The following GYPB variants were observed in gnomAD, a reference collection of about 807,000 sequenced individuals.
GYPB encodes glycophorin B (MNS blood group), also known as glycophorin-B.
In GYPB, 13 loss-of-function variants were observed where a neutral mutation model predicts 15.3. The observed-to-expected ratio is 0.85, with a 90% CI of 0.55 to 1.35. The LOEUF (loss-of-function observed/expected upper bound fraction) is 1.35. Ranked by LOEUF, GYPB falls within the 40% of genes most tolerant of loss-of-function variation. GYPB has a pLI of 0.00. For missense variants in GYPB, 131 were observed against 108.3 expected (o/e 1.21, Z -0.93); for synonymous variants, 38 against 36.9 (o/e 1.03, Z -0.11).
At chr4:144,017,430 C>T (rs1436123039) in intron 1 of GYPB, among the ~76,000 whole-genome samples, 1 of 150,882 alleles carries the variant, frequency 6.6e-6, no homozygotes, top group Non-Finnish European at 1.5e-5. Context: ...GATCTTCCAC[C>T]TTTCTGTTAT....
chr4:144,000,257 C>G (rs1402708402), intron 2 of GYPB: 2 of 219,536 alleles, frequency 9.1e-6, no homozygotes, highest in African/African-American at 2.4e-5. Context: ...GCTATATGGG[C>G]TTTGGAGTAA....
chr4:144,016,748 A>C (rs1485614485), intron 1 of GYPB: 6 of 383,504 alleles, frequency 1.6e-5, no homozygotes, highest in Non-Finnish European at 2.5e-5. Context: ...TCTTAGCTTC[A>C]GAATCTGATT....
chr4:143,997,726 T>G (rs1202573199), intron 3 of GYPB, 92 bp from the exon 4 acceptor site: 8 of 737,160 alleles, frequency 1.1e-5, no homozygotes, highest in Admixed American at 1.9e-5. Context: ...AACATCACCT[T>G]GCCTTTTAAT....
At position 143,999,452 on chromosome 4, in the gene GYPB, A is replaced by T. The variant is rs746530061; in HGVS notation, c.137-3T>A. The stretch of plus-strand genomic sequence containing the variant: ...ATGGACAAGTTGTCCCGTTTCTCCT[A>T]TAAAGCAAAATTTCAATGTAAGTCC... On this transcript the variant is annotated splice_polypyrimidine_tract_variant and splice_region_variant and intron_variant, in intron 2 of 4. Coordinates refer to ENST00000502664, the MANE Select transcript of GYPB (RefSeq NM_002100.6). 2 of 1,471,138 alleles carry T rather than the reference A, an allele frequency of 1.4e-6. No individual in the cohort carries two copies. Among genetic ancestry groups the T allele is most frequent in the Non-Finnish European group, 1.9e-6 (2 of 1,056,176 alleles). The allele number at this position is 1,471,138 out of a possible 1,614,324, so 91.1% of individuals were successfully genotyped here.
intron 3 of GYPB, 200 bp downstream of exon 3, chr4:143,999,211 C>T (rs1243837670): frequency 2.1e-6 from 1 of 469,802 alleles, no homozygotes; most frequent in African/African-American, 2.1e-5. Flanking sequence ...CCCTGGCCCC[C>T]AAAATGTTTT....
intron 1 of GYPB, among the ~76,000 whole-genome samples, chr4:144,018,367 G>A (rs1439149202): frequency 5.4e-5 from 8 of 149,144 alleles, no homozygotes; most frequent in African/African-American, 2.1e-4. Context: ...CTTAGAAAAT[G>A]CTGATCTCTC....
intron 1 of GYPB, 126 bp from the exon 2 acceptor site, chr4:144,001,409 T>A (rs1193368936): frequency 6.7e-6 from 10 of 1,496,968 alleles, no homozygotes; most frequent in Non-Finnish European, 9.2e-6. Flanking sequence ...TTAGTATATA[T>A]CTTACATAAT....
In GYPB at chr4:143,996,281, A is replaced by G. The variant is rs1187301975; in HGVS notation, c.*18T>C. The G allele has an allele frequency of 6.4e-7, 1 of 1,550,826 alleles. No individual in the cohort carries two copies. Among genetic ancestry groups the G allele is most frequent in the Non-Finnish European group, 8.7e-7 (1 of 1,147,224 alleles). ...CAGCCGGTTCTAGGCAAGATCAGGC[A>G]GCATGCAGGCCACATCCTCATGCCT... is the stretch of plus-strand genomic sequence containing the variant. On this transcript the variant is annotated 3_prime_UTR_variant, in exon 5 of 5. Transcript: ENST00000502664.
At chr4:144,003,313 G>C (rs956668330) in intron 1 of GYPB, among the ~76,000 whole-genome samples, 2 of 150,608 alleles carry the variant, frequency 1.3e-5, no homozygotes, top group South Asian at 2.1e-4. Flanking sequence ...AAAAACATGC[G>C]GGAGCTTTGC....
intron 1 of GYPB, among the ~76,000 whole-genome samples, chr4:144,008,863 C>T (rs1236309615): frequency 2.0e-5 from 3 of 151,402 alleles, no homozygotes; most frequent in East Asian, 3.8e-4. Context: ...TTCTGATGTG[C>T]GGCCAGCAGT....
At chr4:144,013,936 G>A (rs951905628) in intron 1 of GYPB, among the ~76,000 whole-genome samples, 3 of 151,196 alleles carry the variant, frequency 2.0e-5, no homozygotes, top group Admixed American at 6.6e-5. Context: ...AATAATGGGT[G>A]AAGGACTAGA....
chr4:144,008,578 A>C lies in GYPB; in HGVS notation c.38-7295T>G, dbSNP rs1200399214. On this transcript the variant is annotated intron_variant, in intron 1 of 4. Coordinates refer to ENST00000502664, the MANE Select transcript of GYPB (RefSeq NM_002100.6). ...CACTCCTGCCTACTAAAGAATCCTC[A>C]GAACAAAAGGGGATTTCACATATTT... The C allele has an allele frequency of 9.0e-6, 4 of 444,384 alleles. No individual in the cohort carries two copies. The East Asian group carries it at 2.8e-4, about 31-fold the overall frequency. 27.5% of individuals were successfully genotyped at this position (444,384 alleles called of 1,614,324 possible).
At chr4:144,000,075 T>C in intron 2 of GYPB, 1 of 181,688 alleles carries the variant, frequency 5.5e-6, no homozygotes, top group Non-Finnish European at 1.1e-5. Context: ...GAAGCTCTCT[T>C]ATACCAAAGC....
At position 144,012,321 on chromosome 4, in the gene GYPB, T is replaced by G. The variant is rs578033522; in HGVS notation, c.37+6930A>C. 163 of 151,688 alleles carry G rather than the reference T, an allele frequency of 1.1e-3. 7 individuals are homozygous for G. The highest frequency in any genetic ancestry group is 3.7e-3 in the African/African-American group (153 of 40,934). The allele number at this position is 151,688 out of a possible 1,614,324, so 9.4% of individuals were successfully genotyped here. A position where few individuals can be genotyped will look rare whatever the true frequency, so the allele number is the denominator to read the frequency against. On this transcript the variant is annotated intron_variant, in intron 1 of 4. Transcript: ENST00000502664. ...GCAGTGGAACTGCCTAGGCTCAAAC[T>G]AATTCCTCTAGCAACTACCTGAGAC...
At chr4:144,011,952 A>T (rs1434449259) in intron 1 of GYPB, among the ~76,000 whole-genome samples, 1 of 152,144 alleles carries the variant, frequency 6.6e-6, no homozygotes, top group African/African-American at 2.4e-5. Flanking sequence ...TGTACTATTC[A>T]TGTTTTATGT....
At chr4:143,999,751 C>A (rs1293151086) in intron 2 of GYPB, among the ~76,000 whole-genome samples, 1 of 151,342 alleles carries the variant, frequency 6.6e-6, no homozygotes, top group Non-Finnish European at 1.5e-5. Context: ...TTGACTTACA[C>A]AAGAAGCAAT....
At chr4:144,013,387 A>G (rs1264343876) in intron 1 of GYPB, among the ~76,000 whole-genome samples, 2 of 151,262 alleles carry the variant, frequency 1.3e-5, no homozygotes. Flanking sequence ...TAGAACTGGA[A>G]ATACCATTTG....
chr4:144,011,338 C>T lies in GYPB; in HGVS notation c.37+7913G>A, dbSNP rs560360850. 6.8e-3 allele frequency among the ~76,000 whole-genome samples: 1,035 copies of T among 151,440 alleles called. 56 individuals are homozygous for T. The highest frequency in any genetic ancestry group is 0.023 in the African/African-American group (947 of 40,716). On this transcript the variant is annotated intron_variant, in intron 1 of 4. Transcript: ENST00000502664. ...GAGGTTGCAGTGAGCCGAGATCGTG[C>T]CACTGCACTCCAGCCTGGGCGACAG...
intron 2 of GYPB, 137 bp from the exon 3 acceptor site, chr4:143,999,586 T>C: frequency 1.7e-6 from 1 of 601,324 alleles, no homozygotes; most frequent in Non-Finnish European, 3.0e-6. Context: ...TTTCAACATC[T>C]AGCTAGTAAC....
Sources: gnomAD v4.1 joint callset for allele counts (sites outside exome capture counted in the v4.1 genomes callset) on GRCh38, gnomAD v4.1.1 for gene constraint, MANE v1.5 for transcripts, NCBI Gene and HGNC (gene_info 2026-07-23, HGNC 2026-07-21) for gene names.